The following NRG1 variants were observed in gnomAD, a reference collection of about 807,000 sequenced individuals.
NRG1 encodes the protein pro-neuregulin-1, membrane-bound isoform.
Under a neutral mutation model 63.8 loss-of-function variants are expected in NRG1, and 18 were observed. The ratio of observed to expected loss-of-function variants is 0.28; its 90% CI spans 0.19 to 0.42. The LOEUF is 0.42. NRG1 is among the 10% of genes least tolerant of loss of function. The probability of loss-of-function intolerance (pLI) is 1.00; values close to 1 mark genes in which losing one functional copy is unlikely to be tolerated. For missense variants in NRG1, 762 were observed against 814.7 expected (o/e 0.94, Z 0.79); for synonymous variants, 302 against 301.3 (o/e 1.00, Z -0.02).
intron 1 of NRG1, among the ~76,000 whole-genome samples, chr8:31,904,689 T>C (rs979096746): frequency 3.9e-5 from 6 of 152,122 alleles, no homozygotes; most frequent in Admixed American, 1.3e-4. Context: ...TCAAATACTA[T>C]GCAGTCATTA....
intron 1 of NRG1, among the ~76,000 whole-genome samples, chr8:31,708,443 ATTG>A (rs369171387): frequency 0.16 from 20,581 of 131,916 alleles, 1,518 homozygotes; most frequent in Admixed American, 0.24. Flanking sequence ...AATAAACATA[ATTG>A]TTTTTTTTTT....
intron 1 of NRG1, among the ~76,000 whole-genome samples, chr8:31,961,769 A>G (rs888398962): frequency 3.3e-5 from 5 of 152,184 alleles, no homozygotes; most frequent in African/African-American, 1.2e-4. Flanking sequence ...TAAGATTCAT[A>G]AACAATTATA....
intron 1 of NRG1, among the ~76,000 whole-genome samples, chr8:32,579,029 A>G (rs550527376): frequency 3.9e-5 from 6 of 152,300 alleles, no homozygotes; most frequent in South Asian, 2.1e-4. Context: ...ATCAGCAAAG[A>G]CAAAAATACT....
intron 1 of NRG1, among the ~76,000 whole-genome samples, chr8:32,116,378 G>T (rs560267274): frequency 6.6e-6 from 1 of 152,022 alleles, no homozygotes; most frequent in African/African-American, 2.4e-5. Context: ...GGAAGGAGAG[G>T]GGCTACAGCA....
chr8:32,105,312 G>A (rs1275195868), intron 1 of NRG1, among the ~76,000 whole-genome samples: 2 of 152,162 alleles, frequency 1.3e-5, no homozygotes, highest in Non-Finnish European at 2.9e-5. Context: ...AAAGAAAGAG[G>A]CTTAATGGAC....
At chr8:31,651,617 G>C (rs1382129493) in intron 1 of NRG1, among the ~76,000 whole-genome samples, 1 of 152,034 alleles carries the variant, frequency 6.6e-6, no homozygotes, top group Admixed American at 6.6e-5. Flanking sequence ...TTATGGTTTG[G>C]GCAAGAAAAG....
intron 1 of NRG1, among the ~76,000 whole-genome samples, chr8:32,589,713 G>A (rs868600867): frequency 2.6e-5 from 4 of 152,084 alleles, no homozygotes; most frequent in Non-Finnish European, 5.9e-5. Flanking sequence ...GCTAAAATTT[G>A]TTTCCTGTTC....
intron 1 of NRG1, among the ~76,000 whole-genome samples, chr8:31,807,932 G>A (rs762497096): frequency 2.7e-5 from 4 of 146,546 alleles, no homozygotes; most frequent in Admixed American, 7.0e-5. Flanking sequence ...TCTTTTTTAA[G>A]GCTCAAGAGT....
chr8:32,115,396 A>C (rs761205452), intron 1 of NRG1, among the ~76,000 whole-genome samples: 26 of 152,174 alleles, frequency 1.7e-4, no homozygotes, highest in Non-Finnish European at 3.5e-4. Flanking sequence ...TGTTATATAT[A>C]TACATTACAC....
intron 1 of NRG1, among the ~76,000 whole-genome samples, chr8:32,055,189 C>T (rs1231930371): frequency 1.3e-5 from 2 of 152,070 alleles, no homozygotes; most frequent in Admixed American, 6.6e-5. Context: ...AGCTTTTGCA[C>T]TAGCTGAATG....
At chr8:32,625,162 A>G (rs1158820277) in intron 5 of NRG1, among the ~76,000 whole-genome samples, 2 of 152,210 alleles carry the variant, frequency 1.3e-5, no homozygotes, top group Non-Finnish European at 2.9e-5. Context: ...CCTCCCATAC[A>G]AGCTGTGAAT....
chr8:31,781,314 A>G (rs564170991), intron 1 of NRG1, among the ~76,000 whole-genome samples: 6 of 152,126 alleles, frequency 3.9e-5, no homozygotes, highest in African/African-American at 7.2e-5. Context: ...CTTGTGTACA[A>G]AGGTTGTACA....
At chr8:31,758,902 C>T (rs1037552659) in intron 1 of NRG1, among the ~76,000 whole-genome samples, 1 of 152,130 alleles carries the variant, frequency 6.6e-6, no homozygotes. Context: ...ATGACATACT[C>T]TGTGTTCTAG....
chr8:31,735,356 G>C (rs1009521413), intron 1 of NRG1, among the ~76,000 whole-genome samples: 2 of 152,046 alleles, frequency 1.3e-5, no homozygotes, highest in African/African-American at 4.8e-5. Context: ...TATGCTAATT[G>C]CAACTTAAAT....
At chr8:32,337,703 G>A (rs1803496388) in intron 1 of NRG1, among the ~76,000 whole-genome samples, 1 of 80,770 alleles carries the variant, frequency 1.2e-5, no homozygotes, top group Non-Finnish European at 3.0e-5. Context: ...TTAGGAAAGG[G>A]AAGCCTGAGC....
chr8:32,565,921 G>T (rs1323987797), intron 1 of NRG1, among the ~76,000 whole-genome samples: 3 of 152,148 alleles, frequency 2.0e-5, no homozygotes, highest in Admixed American at 6.5e-5. Flanking sequence ...TGCCGAGAAG[G>T]TAAGTGTTAC....
intron 1 of NRG1, among the ~76,000 whole-genome samples, chr8:31,917,591 C>T (rs1030230910): frequency 6.6e-6 from 1 of 152,050 alleles, no homozygotes; most frequent in African/African-American, 2.4e-5. Context: ...CAGTACCATG[C>T]TGTTTTGGTT....
At chr8:32,463,402 T>G (rs777688892) in intron 1 of NRG1, among the ~76,000 whole-genome samples, 1 of 152,200 alleles carries the variant, frequency 6.6e-6, no homozygotes, top group Non-Finnish European at 1.5e-5. Context: ...TATAACAATT[T>G]GCATTCCCTC....
intron 1 of NRG1, among the ~76,000 whole-genome samples, chr8:31,711,232 T>C (rs953263291): frequency 6.6e-6 from 1 of 152,206 alleles, no homozygotes; most frequent in African/African-American, 2.4e-5. Flanking sequence ...TTTTCTATTA[T>C]TTCCCCAGTC....
Sources: gnomAD v4.1 joint callset for allele counts (sites outside exome capture counted in the v4.1 genomes callset) on GRCh38, gnomAD v4.1.1 for gene constraint, MANE v1.5 for transcripts, NCBI Gene and HGNC (gene_info 2026-07-23, HGNC 2026-07-21) for gene names.